TCF7: variants seen among roughly 807,000 people sequenced by gnomAD.
The protein encoded by TCF7 is T-cell-factor-7.
In TCF7, 19 loss-of-function variants were observed where a neutral mutation model predicts 46.8. That is an observed-to-expected ratio of 0.41 (90% CI 0.28 to 0.60). The LOEUF is 0.60. Among genes scored for constraint, TCF7 ranks in the 20% least tolerant of loss-of-function variants. TCF7 has a pLI of 0.35. For missense variants in TCF7, 547 were observed against 504.6 expected, an observed-to-expected ratio of 1.08 and a Z score of -0.81; for synonymous variants, 245 against 213.4, an observed-to-expected ratio of 1.15 and a Z score of -1.29.
upstream of TCF7, among the ~76,000 whole-genome samples, chr5:134,110,086 C>T (rs958407026): frequency 6.6e-6 from 1 of 152,188 alleles, no homozygotes; most frequent in Non-Finnish European, 1.5e-5. Flanking sequence ...TCATCAGGAA[C>T]AATGGCTGGC....
chr5:134,117,515 C>T (rs1010995049), intron 3 of TCF7, among the ~76,000 whole-genome samples: 1 of 152,266 alleles, frequency 6.6e-6, no homozygotes, highest in African/African-American at 2.4e-5. Context: ...GGCTCTACTC[C>T]AGCCTCCCGG....
Position 134,146,609 on chromosome 5 carries a change from G to T in TCF7, c.*306G>T. ...CTCATGGAAACTGGCCAGGGGTCCTGTTAACGTCATCTCAGGGTCCAGACC... is the reference window on the plus strand; with the variant it reads ...CTCATGGAAACTGGCCAGGGGTCCTTTTAACGTCATCTCAGGGTCCAGACC... On this transcript the variant is annotated 3_prime_UTR_variant, in exon 10 of 10. Coordinates refer to ENST00000342854, the MANE Select transcript of TCF7 (RefSeq NM_003202.5). The T allele has an allele frequency of 1.5e-6, 1 of 684,468 alleles. No homozygotes were observed. The highest frequency in any genetic ancestry group is 2.6e-6 in the Non-Finnish European group (1 of 377,424). 42.4% of individuals were successfully genotyped at this position (684,468 alleles called of 1,614,324 possible).
intron 3 of TCF7, among the ~76,000 whole-genome samples, chr5:134,118,783 GTGTT>G (rs1756183029): frequency 6.6e-6 from 1 of 151,996 alleles, no homozygotes; most frequent in Non-Finnish European, 1.5e-5. Context: ...TTTTGTGTTT[GTGTT>G]TGTGTTTTTT....
rs969000014 is a variant in TCF7 at position 134,114,808 on chromosome 5, C to T, written c.-99C>T. 16 of 972,496 alleles carry T rather than the reference C, an allele frequency of 1.6e-5. 1 individual carries two copies. In the South Asian group the frequency reaches 6.6e-4, roughly 40 times the overall value. 60.2% of individuals were successfully genotyped at this position (972,496 alleles called of 1,614,324 possible). A position where few individuals can be genotyped will look rare whatever the true frequency, so the allele number is the denominator to read the frequency against. ...CGCGCTCCGCCCGCCGCGATCCGAG[C>T]TCGGAGGTTCGGACTCCGGGCTCGC... On this transcript the variant is annotated 5_prime_UTR_variant, in exon 1 of 10. Transcript: ENST00000342854.
At chr5:134,112,252 C>T (rs1489690637), upstream of TCF7, among the ~76,000 whole-genome samples, 1 of 152,198 alleles carries the variant, frequency 6.6e-6, no homozygotes, top group Admixed American at 6.5e-5. Context: ...TCTTTCTGTC[C>T]ATTACCTGTA....
At chr5:134,143,265 A>G (rs767568627) in intron 8 of TCF7, 165 bp downstream of exon 8, 31 of 773,174 alleles carry the variant, frequency 4.0e-5, no homozygotes, top group Non-Finnish European at 6.5e-5. Flanking sequence ...GAAGAGGACA[A>G]GCCCACATCC....
intron 2 of TCF7, 116 bp downstream of exon 2, chr5:134,115,503 C>A: frequency 6.7e-7 from 1 of 1,482,500 alleles, no homozygotes; most frequent in Non-Finnish European, 9.0e-7. Context: ...GCTCAGGAGG[C>A]GGCAGAACCC....
At chr5:134,138,875 G>A in intron 4 of TCF7, 76 bp from the exon 5 acceptor site, 2 of 1,591,296 alleles carry the variant, frequency 1.3e-6, no homozygotes, top group African/African-American at 1.3e-5. Flanking sequence ...CCTGTAGGAG[G>A]TTCTAGGATG....
rs1580914380 is a variant in TCF7 at position 134,146,847 on chromosome 5, G to A, written c.*544G>A. The A allele has an allele frequency of 8.2e-6, 3 of 366,164 alleles. No individual in the cohort carries two copies. The highest frequency in any genetic ancestry group is 6.4e-5 in the African/African-American group (3 of 46,616). The allele number at this position is 366,164 out of a possible 1,614,324, so 22.7% of individuals were successfully genotyped here. ...CTTTTCTGCTATAGGTCAGAGATGG[G>A]CTGAACTGAGCCTAGCTACCTTCTC... On this transcript the variant is annotated 3_prime_UTR_variant, in exon 10 of 10. Coordinates refer to ENST00000342854, the MANE Select transcript of TCF7 (RefSeq NM_003202.5).
chr5:134,115,872 A>T, intron 2 of TCF7, 37 bp from the exon 3 acceptor site: 1 of 1,612,956 alleles, frequency 6.2e-7, no homozygotes, highest in Non-Finnish European at 8.5e-7. Flanking sequence ...AGCCGCTGCC[A>T]GGGCTGGTGT....
chr5:134,117,469 C>T (rs1014738206), intron 3 of TCF7, among the ~76,000 whole-genome samples: 3 of 152,240 alleles, frequency 2.0e-5, no homozygotes, highest in Non-Finnish European at 2.9e-5. Flanking sequence ...CTGGGGTCAC[C>T]GTGGAACCAT....
chr5:134,146,539 G>C lies in TCF7; in HGVS notation c.*236G>C, dbSNP rs1270274330. 1.4e-6 allele frequency: 1 copy of C among 719,534 alleles called. No individual in the cohort carries two copies. The highest frequency in any genetic ancestry group is 2.6e-6 in the Non-Finnish European group (1 of 387,256). 44.6% of individuals were successfully genotyped at this position (719,534 alleles called of 1,614,324 possible). On this transcript the variant is annotated 3_prime_UTR_variant, in exon 10 of 10. Transcript: ENST00000342854. ...TGGCCTAGCAGGCACAGGACACCTG[G>C]CCGCCTCCAGGAGCCTACCCCCTGA...
At chr5:134,145,955 A>ATGAC in intron 9 of TCF7, 2 of 1,481,526 alleles carry the variant, frequency 1.3e-6, no homozygotes, top group Non-Finnish European at 1.8e-6. Flanking sequence ...GACAGGAGAG[A>ATGAC]TGACTCCCTT....
Position 134,146,311 on chromosome 5 carries a change from C to T in TCF7, c.*8C>T, listed in dbSNP as rs1336227820. ...CCGATGACAGTGCTCTAGGCTGCCC[C>T]GGGTCCCCAGCTCCCCAGGACTCAC... On this transcript the variant is annotated 3_prime_UTR_variant, in exon 10 of 10. Coordinates refer to ENST00000342854, the MANE Select transcript of TCF7 (RefSeq NM_003202.5). 1.1e-5 allele frequency: 17 copies of T among 1,613,958 alleles called. No individual in the cohort carries two copies. The highest frequency in any genetic ancestry group is 3.3e-5 in the Admixed American group (2 of 60,008).
chr5:134,139,177 ACT>A, intron 5 of TCF7, 139 bp downstream of exon 5: 1 of 1,356,240 alleles, frequency 7.4e-7, no homozygotes, highest in Non-Finnish European at 9.9e-7. Context: ...CTGGCCAGCA[ACT>A]CTGTCCTAAC....
At position 134,115,054 on chromosome 5, in the gene TCF7, G is replaced by A. The variant is rs1755608805; in HGVS notation, c.148G>A (p.Glu50Lys). The A allele has an allele frequency of 8.2e-7, 1 of 1,217,158 alleles. No homozygotes were observed. The highest frequency in any genetic ancestry group is 1.0e-6 in the Non-Finnish European group (1 of 953,330). The allele number at this position is 1,217,158 out of a possible 1,614,324, so 75.4% of individuals were successfully genotyped here. A position where few individuals can be genotyped will look rare whatever the true frequency, so the allele number is the denominator to read the frequency against. ...CGCCGGTCCCGAGCGCGACCTGGCC[G>A]AGCTCAAGTCGTCGCTCGTGAACGA... ...SAAGPERDLA[E>K]LKSSLVNESE... The change falls in exon 1 of 10, where the codon GAG (glutamate) becomes AAG (lysine). Residue 50 changes from glutamate to lysine, a missense_variant. Glu to Lys is a moderately conservative substitution (Grantham distance 56). Coordinates refer to ENST00000342854, the MANE Select transcript of TCF7 (RefSeq NM_003202.5).
At chr5:134,124,044 C>G (rs982185314) in intron 3 of TCF7, among the ~76,000 whole-genome samples, 3 of 152,116 alleles carry the variant, frequency 2.0e-5, no homozygotes, top group African/African-American at 4.8e-5. Context: ...CCCCTGATTA[C>G]TGAGGGGAAC....
upstream of TCF7, among the ~76,000 whole-genome samples, chr5:134,110,169 A>G (rs1425414572): frequency 1.3e-5 from 2 of 152,224 alleles, no homozygotes; most frequent in African/African-American, 4.8e-5. Context: ...CTCTTCTCAT[A>G]ATTTGCCCAT....
intron 3 of TCF7, among the ~76,000 whole-genome samples, chr5:134,121,802 A>G (rs1219992585): frequency 2.6e-5 from 4 of 151,868 alleles, no homozygotes; most frequent in East Asian, 3.9e-4. Flanking sequence ...CACCTTGACT[A>G]TTTTCCTGAA....
Sources: gnomAD v4.1 joint callset for allele counts (sites outside exome capture counted in the v4.1 genomes callset) on GRCh38, gnomAD v4.1.1 for gene constraint, MANE v1.5 for transcripts, NCBI Gene and HGNC (gene_info 2026-07-23, HGNC 2026-07-21) for gene names.